CTDSPL: variants seen among roughly 807,000 people sequenced by gnomAD.
CTDSPL encodes CTD small phosphatase like, also known as CTD small phosphatase-like protein.
In CTDSPL, 8 loss-of-function variants were observed where a neutral mutation model predicts 30.5. The observed-to-expected ratio is 0.26, with a 90% CI of 0.15 to 0.47. The LOEUF is 0.47. Ranked by LOEUF, CTDSPL falls within the 20% of genes least tolerant of loss-of-function variation. CTDSPL has a pLI of 0.99. For missense variants in CTDSPL, 248 were observed against 366.1 expected (o/e 0.68, Z 2.63); for synonymous variants, 110 against 137.9 (o/e 0.80, Z 1.42).
intron 1 of CTDSPL, among the ~76,000 whole-genome samples, chr3:37,919,813 G>A (rs1698692877): frequency 6.6e-6 from 1 of 152,152 alleles, no homozygotes; most frequent in Admixed American, 6.5e-5. Flanking sequence ...GGCCCTGGGG[G>A]AAACAGAGAA....
intron 1 of CTDSPL, among the ~76,000 whole-genome samples, chr3:37,883,902 A>T (rs1194748025): frequency 6.6e-6 from 1 of 152,188 alleles, no homozygotes; most frequent in Non-Finnish European, 1.5e-5. Flanking sequence ...TGTCTTTATA[A>T]TGTCTGTAGA....
intron 1 of CTDSPL, among the ~76,000 whole-genome samples, chr3:37,935,198 C>T (rs1698901368): frequency 6.6e-6 from 1 of 152,188 alleles, no homozygotes; most frequent in African/African-American, 2.4e-5. Flanking sequence ...CGTTACTCAA[C>T]TGCTTTTCAA....
At chr3:37,907,223 A>G (rs1698529249) in intron 1 of CTDSPL, among the ~76,000 whole-genome samples, 2 of 152,214 alleles carry the variant, frequency 1.3e-5, no homozygotes, top group Admixed American at 6.5e-5. Context: ...CATCTCTGGA[A>G]TTTAGATTCT....
At chr3:37,918,531 G>C (rs1698675550) in intron 1 of CTDSPL, among the ~76,000 whole-genome samples, 1 of 152,182 alleles carries the variant, frequency 6.6e-6, no homozygotes, top group Non-Finnish European at 1.5e-5. Context: ...CATTTCTAGA[G>C]AACTCTTTCA....
intron 1 of CTDSPL, among the ~76,000 whole-genome samples, chr3:37,872,832 C>G (rs1365263799): frequency 6.6e-6 from 1 of 152,144 alleles, no homozygotes; most frequent in African/African-American, 2.4e-5. Context: ...CCTGGCCTCC[C>G]AAAGTGCTGG....
chr3:37,916,460 G>T (rs1469488075), intron 1 of CTDSPL, among the ~76,000 whole-genome samples: 2 of 152,160 alleles, frequency 1.3e-5, no homozygotes, highest in African/African-American at 4.8e-5. Context: ...AGTAGTTAAG[G>T]TAAGGTCGTA....
intron 1 of CTDSPL, among the ~76,000 whole-genome samples, chr3:37,870,433 A>G (rs1698059447): frequency 6.6e-6 from 1 of 152,074 alleles, no homozygotes; most frequent in African/African-American, 2.4e-5. Flanking sequence ...GATGTTGACA[A>G]TGTGTGTCCT....
intron 1 of CTDSPL, chr3:37,911,717 A>C: frequency 2.2e-6 from 1 of 456,608 alleles, no homozygotes; most frequent in South Asian, 1.5e-5. Context: ...CAGAAGAATC[A>C]GAAAGTTGTC....
chr3:37,881,203 C>T (rs972321510), intron 1 of CTDSPL, among the ~76,000 whole-genome samples: 3 of 152,026 alleles, frequency 2.0e-5, no homozygotes, highest in African/African-American at 7.2e-5. Context: ...GGTATATACT[C>T]TTTTGAGACC....
chr3:37,945,659 C>G (rs1699026898), intron 1 of CTDSPL, among the ~76,000 whole-genome samples: 1 of 152,176 alleles, frequency 6.6e-6, no homozygotes, highest in African/African-American at 2.4e-5. Context: ...GACAGGCACC[C>G]AAGGATCCTT....
At chr3:37,979,282 G>A (rs903883192) in intron 7 of CTDSPL, among the ~76,000 whole-genome samples, 1 of 149,496 alleles carries the variant, frequency 6.7e-6, no homozygotes, top group Non-Finnish European at 1.5e-5. Context: ...GGACAACAAA[G>A]CAAGATCCTG....
intron 1 of CTDSPL, among the ~76,000 whole-genome samples, chr3:37,942,917 A>G (rs1698994153): frequency 6.6e-6 from 1 of 150,394 alleles, no homozygotes; most frequent in Non-Finnish European, 1.5e-5. Flanking sequence ...CATGTCAAGA[A>G]TTAATTGTGG....
intron 1 of CTDSPL, among the ~76,000 whole-genome samples, chr3:37,927,672 G>GTA (rs1380509955): frequency 5.0e-4 from 67 of 132,872 alleles, no homozygotes; most frequent in African/African-American, 1.9e-3. Flanking sequence ...GTGTGTGTGT[G>GTA]TGTGTGTATG....
In CTDSPL at chr3:37,862,537, C is replaced by T. The variant is rs1435054433; in HGVS notation, c.79+259C>T. 1.3e-5 allele frequency among the ~76,000 whole-genome samples: 2 copies of T among 152,066 alleles called. No homozygotes were observed. The highest frequency in any genetic ancestry group is 4.8e-5 in the African/African-American group (2 of 41,408). ...AACCGGGAGGTTGTGAGTTTGTGTG[C>T]GCGCACGCCCGCAGAGAAGTTGTGA... On this transcript the variant is annotated intron_variant, in intron 1 of 7. Coordinates refer to ENST00000273179, the MANE Select transcript of CTDSPL (RefSeq NM_001008392.2). The surrounding 1 kb of genome is among the most constrained non-coding windows in gnomAD (Gnocchi z 4.3).
At chr3:37,918,786 C>G (rs896356861) in intron 1 of CTDSPL, among the ~76,000 whole-genome samples, 1 of 152,070 alleles carries the variant, frequency 6.6e-6, no homozygotes, top group African/African-American at 2.4e-5. Flanking sequence ...AATTTGATTC[C>G]TTCACCCAAC....
At chr3:37,889,153 A>T (rs1279166341) in intron 1 of CTDSPL, among the ~76,000 whole-genome samples, 3 of 152,208 alleles carry the variant, frequency 2.0e-5, no homozygotes, top group Admixed American at 1.3e-4. Context: ...GGCAGTAAGC[A>T]GGGAGGCCTT....
chr3:37,897,939 C>T (rs1314553638), intron 1 of CTDSPL, among the ~76,000 whole-genome samples: 3 of 152,146 alleles, frequency 2.0e-5, no homozygotes, highest in African/African-American at 7.2e-5. Flanking sequence ...GCCGGTTATA[C>T]ACTAGAGAGC....
chr3:37,889,315 T>C (rs1316144754), intron 1 of CTDSPL, among the ~76,000 whole-genome samples: 2 of 152,180 alleles, frequency 1.3e-5, no homozygotes, highest in Non-Finnish European at 2.9e-5. Context: ...CTGTTTGAAA[T>C]TTTTTGTAAT....
At chr3:37,946,666 T>A (rs1046512075) in intron 1 of CTDSPL, among the ~76,000 whole-genome samples, 6 of 152,180 alleles carry the variant, frequency 3.9e-5, no homozygotes, top group Non-Finnish European at 5.9e-5. Flanking sequence ...GAGTGTCAAG[T>A]CGATTTGTGC....
Sources: allele counts gnomAD v4.1 joint callset (sites outside exome capture counted in the v4.1 genomes callset), GRCh38; gene constraint gnomAD v4.1.1; non-coding constraint Gnocchi (gnomAD v3.1); transcripts MANE v1.5; gene names NCBI Gene and HGNC (gene_info 2026-07-23, HGNC 2026-07-21).